Variants in NLRC4 observed in about 807,000 individuals in gnomAD.
NLRC4 encodes the protein NLR family CARD domain containing 4, also known as NLR family CARD domain-containing protein 4.
In NLRC4, 63 loss-of-function variants were observed where a neutral mutation model predicts 79.9. That is an observed-to-expected ratio of 0.79 (90% CI 0.64 to 0.97). The LOEUF (loss-of-function observed/expected upper bound fraction) is 0.97. Ranked by LOEUF, NLRC4 falls within the 50% of genes least tolerant of loss-of-function variation. The pLI, the probability that NLRC4 is intolerant of heterozygous loss-of-function variation, is 0.00. For synonymous variants in NLRC4, 461 were observed against 456.5 expected (o/e 1.01, Z -0.12); for missense variants, 1,074 against 1,215.2 (o/e 0.88, Z 1.73).
intron 8 of NLRC4, among the ~76,000 whole-genome samples, chr2:32,230,217 TAGG>T (rs1257856906): frequency 1.3e-5 from 2 of 152,164 alleles, no homozygotes; most frequent in Non-Finnish European, 2.9e-5. Context: ...CTCTGTGAAA[TAGG>T]AGACGCTGAG....
At chr2:32,228,357 C>G (rs1338855346) in intron 8 of NLRC4, among the ~76,000 whole-genome samples, 1 of 152,090 alleles carries the variant, frequency 6.6e-6, no homozygotes, top group Non-Finnish European at 1.5e-5. Context: ...AAGAAGGGGC[C>G]ATTTTGCTTG....
chr2:32,224,810 T>TAAAAAA, intron 8 of NLRC4, 45 bp from the exon 9 acceptor site: 3 of 981,334 alleles, frequency 3.1e-6, no homozygotes, highest in African/African-American at 1.7e-5. Context: ...AAATTTTTTT[T>TAAAAAA]AAAAAAAAAG....
chr2:32,231,506 A>G (rs1311999795), intron 8 of NLRC4, among the ~76,000 whole-genome samples: 1 of 134,780 alleles, frequency 7.4e-6, no homozygotes, highest in Non-Finnish European at 1.5e-5. Flanking sequence ...AGATAATGTG[A>G]TCTGCAATTT....
intron 2 of NLRC4, among the ~76,000 whole-genome samples, chr2:32,255,381 G>A (rs1057032170): frequency 5.3e-5 from 8 of 152,174 alleles, no homozygotes; most frequent in African/African-American, 1.4e-4. Context: ...TTAGCCAGTC[G>A]TGGTGGCACA....
Position 32,224,682 on chromosome 2 carries a change from C to G in NLRC4, c.2866G>C (p.Ala956Pro). ...AGATTCTCAAATACACCCATGAAGG[C>G]AAGCCATCCATCACTGCTCACACGA... ...GNRVSSDGWL[A>P]FMGVFENLKQ... The change falls in exon 9 of 9, where the codon GCC becomes CCC. Residue 956 changes from alanine to proline, a missense_variant. By Grantham distance (27) the Ala-to-Pro change is conservative (BLOSUM62 -1). Transcript: ENST00000402280. 6.2e-7 allele frequency: 1 copy of G among 1,613,086 alleles called. No individual in the cohort carries two copies. The highest frequency in any genetic ancestry group is 8.5e-7 in the Non-Finnish European group (1 of 1,179,286).
At chr2:32,234,973 CTATT>C (rs1308157552) in intron 8 of NLRC4, among the ~76,000 whole-genome samples, 1 of 152,150 alleles carries the variant, frequency 6.6e-6, no homozygotes, top group Non-Finnish European at 1.5e-5. Flanking sequence ...TTATATAGAT[CTATT>C]TGTTTCTGGA....
intron 8 of NLRC4, 73 bp from the exon 9 acceptor site, chr2:32,224,838 T>C: frequency 1.2e-6 from 1 of 867,652 alleles, no homozygotes; most frequent in South Asian, 2.0e-5. Flanking sequence ...GGTTCTACAT[T>C]TATTTTACAT....
intron 2 of NLRC4, among the ~76,000 whole-genome samples, chr2:32,253,369 C>T (rs1349237603): frequency 1.3e-5 from 2 of 151,724 alleles, no homozygotes; most frequent in East Asian, 4.0e-4. Context: ...AGACTGGTCT[C>T]GAACTCCTGA....
At chr2:32,256,925 A>G (rs777591719) in intron 1 of NLRC4, 32 bp from the exon 2 acceptor site, 7 of 605,284 alleles carry the variant, frequency 1.2e-5, no homozygotes, top group East Asian at 8.3e-5. Flanking sequence ...ACCAGAGACT[A>G]TCAGGTGGAG....
chr2:32,246,049 T>C (rs1686928899), intron 4 of NLRC4, among the ~76,000 whole-genome samples: 2 of 152,022 alleles, frequency 1.3e-5, no homozygotes. Context: ...CCAGGTGTGG[T>C]GGTGCATGCC....
chr2:32,256,019 A>C (rs59061317), intron 2 of NLRC4, among the ~76,000 whole-genome samples: 3,090 of 148,694 alleles, frequency 0.021, 41 homozygotes, highest in Middle Eastern at 0.048. Context: ...ATCTCACACA[A>C]AAAAAAAAAT....
chr2:32,262,143 A>G (rs1687368264), intron 1 of NLRC4, among the ~76,000 whole-genome samples: 1 of 152,294 alleles, frequency 6.6e-6, no homozygotes, highest in East Asian at 1.9e-4. Flanking sequence ...AGCTTAAGCA[A>G]GGGCACATTT....
At chr2:32,242,050 A>T (rs1336416039) in intron 4 of NLRC4, among the ~76,000 whole-genome samples, 1 of 152,144 alleles carries the variant, frequency 6.6e-6, no homozygotes, top group East Asian at 1.9e-4. Context: ...TATACAAATT[A>T]AAAACAGAGG....
upstream of NLRC4, among the ~76,000 whole-genome samples, chr2:32,265,421 T>C (rs1368487700): frequency 2.0e-5 from 3 of 152,172 alleles, no homozygotes; most frequent in Non-Finnish European, 4.4e-5. Flanking sequence ...CCTCAGGCAA[T>C]CTGCCAGCCT....
At chr2:32,248,607 C>T (rs1686993283) in intron 4 of NLRC4, among the ~76,000 whole-genome samples, 1 of 152,050 alleles carries the variant, frequency 6.6e-6, no homozygotes, top group South Asian at 2.1e-4. Context: ...ACTGCTTGAT[C>T]CCAGGAGTTC....
chr2:32,234,743 T>C (rs935183776), intron 8 of NLRC4, among the ~76,000 whole-genome samples: 2 of 152,228 alleles, frequency 1.3e-5, no homozygotes, highest in African/African-American at 4.8e-5. Flanking sequence ...GAAGCTACCT[T>C]GGAAGGAGAT....
chr2:32,245,954 C>A (rs191083859), intron 4 of NLRC4, among the ~76,000 whole-genome samples: 1 of 152,004 alleles, frequency 6.6e-6, no homozygotes, highest in South Asian at 2.1e-4. Context: ...GAGGCCGAGG[C>A]GGGTGGATCA....
At chr2:32,243,111 GAAAA>G (rs1221489634) in intron 4 of NLRC4, among the ~76,000 whole-genome samples, 2 of 151,732 alleles carry the variant, frequency 1.3e-5, no homozygotes, top group African/African-American at 2.4e-5. Context: ...GGACGGAAAA[GAAAA>G]GAAAGAAAAT....
chr2:32,225,138 C>T (rs1449931697), intron 8 of NLRC4, among the ~76,000 whole-genome samples: 2 of 152,050 alleles, frequency 1.3e-5, no homozygotes, highest in African/African-American at 4.8e-5. Flanking sequence ...AATATTAAGT[C>T]GTTTCCTCTT....
Sources: allele counts gnomAD v4.1 joint callset (sites outside exome capture counted in the v4.1 genomes callset), GRCh38; gene constraint gnomAD v4.1.1; transcripts MANE v1.5; gene names NCBI Gene and HGNC (gene_info 2026-07-23, HGNC 2026-07-21).